The following CENPP variants were observed in gnomAD, a reference collection of about 807,000 sequenced individuals.
The protein encoded by CENPP is centromere protein P.
CENPP carries 24 observed loss-of-function variants against 35.6 expected under a neutral mutation model. The observed-to-expected ratio is 0.67, with a 90% CI of 0.49 to 0.95. The LOEUF (loss-of-function observed/expected upper bound fraction) is 0.95, where lower values mean the gene tolerates loss of function less well. Ranked by LOEUF, CENPP falls within the 40% of genes least tolerant of loss-of-function variation. The pLI, the probability that CENPP is intolerant of heterozygous loss-of-function variation, is 0.00. For synonymous variants in CENPP, 120 were observed against 125.5 expected, an observed-to-expected ratio of 0.96 and a Z score of 0.29; for missense variants, 332 against 345.3, an observed-to-expected ratio of 0.96 and a Z score of 0.31.
intron 5 of CENPP, among the ~76,000 whole-genome samples, chr9:92,400,508 C>T (rs947366533): frequency 8.5e-5 from 13 of 152,170 alleles, no homozygotes; most frequent in African/African-American, 2.6e-4. Context: ...GCTTTTTAAG[C>T]TTTATTTTCT....
Position 92,501,292 on chromosome 9 carries a change from A to C in CENPP, c.565-110022A>C, listed in dbSNP as rs1391611591. On this transcript the variant is annotated intron_variant, in intron 5 of 7. Coordinates refer to ENST00000375587, the MANE Select transcript of CENPP (RefSeq NM_001012267.3). ...CTATGTGAGTCCATGCGAGAGGAGCATCAAAGACTAGGAGGGAAAAACTCA... is the reference window on the plus strand; with the variant it reads ...CTATGTGAGTCCATGCGAGAGGAGCCTCAAAGACTAGGAGGGAAAAACTCA... 3.9e-5 allele frequency among the ~76,000 whole-genome samples: 6 copies of C among 152,182 alleles called. No individual in the cohort carries two copies. In the South Asian group the frequency reaches 1.0e-3, roughly 26 times the overall value.
At chr9:92,382,249 A>G (rs1234833447) in intron 5 of CENPP, among the ~76,000 whole-genome samples, 2 of 152,092 alleles carry the variant, frequency 1.3e-5, no homozygotes, top group East Asian at 3.8e-4. Context: ...TTTTTAATCG[A>G]CTAATAGTAA....
At chr9:92,485,873 C>T (rs190914336) in intron 5 of CENPP, among the ~76,000 whole-genome samples, 5 of 152,326 alleles carry the variant, frequency 3.3e-5, no homozygotes, top group African/African-American at 1.2e-4. Flanking sequence ...GCTATAGGAG[C>T]AGCATGTGTC....
At chr9:92,441,994 C>T (rs775497016) in intron 5 of CENPP, among the ~76,000 whole-genome samples, 4 of 151,588 alleles carry the variant, frequency 2.6e-5, no homozygotes, top group African/African-American at 7.3e-5. Flanking sequence ...TTTCTAAGGC[C>T]GAAATAACCC....
intron 4 of CENPP, among the ~76,000 whole-genome samples, chr9:92,363,832 T>C (rs753295003): frequency 7.9e-5 from 12 of 151,970 alleles, no homozygotes; most frequent in Non-Finnish European, 1.3e-4. Context: ...CTCAATCCTA[T>C]TGGGTTTTTT....
rs1401411488 is a variant in CENPP, at chr9:92,579,887, A to C, written c.565-31427A>C. ...GCATCCCTGTCTTGTGCCAGTTTTC[A>C]AAGGGAGTGCTTCCAGTTTTTGCCC... On this transcript the variant is annotated intron_variant, in intron 5 of 7. Transcript: ENST00000375587. Among the ~76,000 whole-genome samples the C allele has an allele frequency of 8.1e-5, 12 of 148,542 alleles. No individual in the cohort carries two copies. The South Asian group carries it at 1.1e-3, about 13-fold the overall frequency.
chr9:92,509,947 TA>T (rs1482097591), intron 5 of CENPP: 20 of 1,609,534 alleles, frequency 1.2e-5, no homozygotes, highest in Non-Finnish European at 1.7e-5. Flanking sequence ...TCATTGACTT[TA>T]AGTTCTTCTA....
intron 5 of CENPP, among the ~76,000 whole-genome samples, chr9:92,419,999 T>C (rs1843736600): frequency 6.6e-6 from 1 of 152,192 alleles, no homozygotes; most frequent in African/African-American, 2.4e-5. Flanking sequence ...AATGTAACTA[T>C]TGTGTGTATT....
rs139656621 is a variant in CENPP, at chr9:92,554,209, G to C, written c.565-57105G>C. Among the ~76,000 whole-genome samples the C allele has an allele frequency of 3.2e-3, 480 of 150,772 alleles. 4 individuals carry two copies. Among genetic ancestry groups the C allele is most frequent in the Middle Eastern group, 0.017 (5 of 294 alleles). ...AATTCTTTTTTTTTTTTGAGACGGA[G>C]TTTCGCTCTTATTGCCCAGGCTGGA... On this transcript the variant is annotated intron_variant, in intron 5 of 7. Transcript: ENST00000375587.
At chr9:92,504,209 T>C (rs1846855045) in intron 5 of CENPP, among the ~76,000 whole-genome samples, 1 of 152,232 alleles carries the variant, frequency 6.6e-6, no homozygotes, top group Non-Finnish European at 1.5e-5. Flanking sequence ...CTGGGGTAGG[T>C]CCAAGAGTCT....
intron 5 of CENPP, chr9:92,474,866 G>A (rs1845659719): frequency 6.2e-7 from 1 of 1,613,664 alleles, no homozygotes; most frequent in Non-Finnish European, 8.5e-7. Flanking sequence ...AGAGCACAAA[G>A]CCAGGAATAA....
intron 5 of CENPP, among the ~76,000 whole-genome samples, chr9:92,498,896 A>G (rs527340453): frequency 1.5e-4 from 23 of 152,326 alleles, no homozygotes; most frequent in African/African-American, 5.5e-4. Context: ...TTGATTTGGG[A>G]ATGTCAGTCT....
chr9:92,386,812 G>A (rs1588081071), intron 5 of CENPP, among the ~76,000 whole-genome samples: 1 of 152,106 alleles, frequency 6.6e-6, no homozygotes, highest in East Asian at 1.9e-4. Context: ...TCGATTTCCT[G>A]ACCTCGTGAT....
chr9:92,400,634 A>G (rs1843074983), intron 5 of CENPP, among the ~76,000 whole-genome samples: 1 of 152,202 alleles, frequency 6.6e-6, no homozygotes, highest in East Asian at 1.9e-4. Context: ...AGTACACAGG[A>G]ATTATTAAGT....
chr9:92,532,261 A>C (rs963204590), intron 5 of CENPP, among the ~76,000 whole-genome samples: 2 of 149,072 alleles, frequency 1.3e-5, no homozygotes, highest in South Asian at 2.1e-4. Context: ...TTTTTCTCTC[A>C]CTGTTTTTAA....
intron 5 of CENPP, among the ~76,000 whole-genome samples, chr9:92,540,602 C>T (rs1380243405): frequency 6.6e-6 from 1 of 151,174 alleles, no homozygotes; most frequent in East Asian, 2.0e-4. Flanking sequence ...GAAACCCCGT[C>T]TCTACTAAAA....
intron 5 of CENPP, among the ~76,000 whole-genome samples, chr9:92,419,299 C>CTTTT (rs34582930): frequency 8.5e-6 from 1 of 117,112 alleles, no homozygotes; most frequent in African/African-American, 3.5e-5. Context: ...TGCCTTGTGT[C>CTTTT]TTTTTTTTTT....
At chr9:92,348,528 G>A (rs891300060) in intron 4 of CENPP, among the ~76,000 whole-genome samples, 1 of 151,948 alleles carries the variant, frequency 6.6e-6, no homozygotes. Flanking sequence ...AAGTAGCTGG[G>A]ACTACAGGTG....
At chr9:92,520,281 T>C (rs72754433) in intron 5 of CENPP, among the ~76,000 whole-genome samples, 4,884 of 151,660 alleles carry the variant, frequency 0.032, 110 homozygotes, top group South Asian at 0.085. Flanking sequence ...AGACCCCATC[T>C]CTTAAAAAAA....
Sources: gnomAD v4.1 joint callset for allele counts (sites outside exome capture counted in the v4.1 genomes callset) on GRCh38, gnomAD v4.1.1 for gene constraint, MANE v1.5 for transcripts, NCBI Gene and HGNC (gene_info 2026-07-23, HGNC 2026-07-21) for gene names.